CMA1: variants seen among roughly 807,000 people sequenced by gnomAD.
The protein encoded by CMA1 is chymase.
CMA1 carries 24 observed loss-of-function variants against 18.8 expected under a neutral mutation model. The observed-to-expected ratio is 1.28, with a 90% confidence interval of 0.92 to 1.80. The LOEUF is 1.80. Among genes scored for constraint, CMA1 ranks in the 40% most tolerant of loss-of-function variants. The probability of loss-of-function intolerance (pLI) is 0.00; values close to 1 mark genes in which losing one functional copy is unlikely to be tolerated. For missense variants in CMA1, 421 were observed against 302.8 expected (o/e 1.39, Z -2.90); for synonymous variants, 152 against 117.0 (o/e 1.30, Z -1.93).
chr14:24,505,573 G>A lies in CMA1; in HGVS notation c.687C>T (p.Val229=). 1 of 1,614,092 alleles carries A rather than the reference G, an allele frequency of 6.2e-7. No individual in the cohort carries two copies. Among genetic ancestry groups the A allele is most frequent in the Non-Finnish European group, 8.5e-7 (1 of 1,180,032 alleles). Residue 229 remains valine, a synonymous_variant, in exon 5 of 5, where the codon GTC becomes GTT. Transcript: ENST00000250378. ...GCCGGTAATGGGAGATTCGGGTGAA[G>A]ACAGCAGGGGGCTTTGCATCCGACC... ...YGRSDAKPPA[V]FTRISHYRPW... is the part of the protein sequence containing the mutation.
rs772971798 is a variant in CMA1, at chr14:24,505,368, G to A, written c.*148C>T. ...GACTAGAAGCTGTGTCTTCACTGAG[G>A]TTTATTGAGAGTTCTGTGACCTGTA... On this transcript the variant is annotated 3_prime_UTR_variant, in exon 5 of 5. Coordinates refer to ENST00000250378, the MANE Select transcript of CMA1 (RefSeq NM_001836.5). 2.0e-6 allele frequency: 2 copies of A among 976,412 alleles called. No homozygotes were observed. The highest frequency in any genetic ancestry group is 4.0e-5 in the Admixed American group (2 of 50,450). 60.5% of individuals were successfully genotyped at this position (976,412 alleles called of 1,614,324 possible).
Position 24,506,159 on chromosome 14 carries a change from GC to G in CMA1, c.468del (p.Lys156AsnfsTer10). 1.9e-6 allele frequency: 3 copies of G among 1,614,202 alleles called. No individual in the cohort carries two copies. The highest frequency in any genetic ancestry group is 2.5e-6 in the Non-Finnish European group (3 of 1,180,048). On this transcript the variant is annotated frameshift_variant, in exon 4 of 5. Transcript: ENST00000250378. LOFTEE classifies it high-confidence loss of function. ...VAGWGRTGVL[K>X]PGSDTLQEVK... The stretch of plus-strand genomic sequence containing the variant: ...ACCTCTTGCAGAGTGTCTGAGCCCG[GC>G]TTCAACACACCTGTTCTTCCCCAGC...
At chr14:24,507,306 C>T (rs761778872) in intron 2 of CMA1, 50 bp downstream of exon 2, 2 of 1,610,558 alleles carry the variant, frequency 1.2e-6, no homozygotes, top group Non-Finnish European at 1.7e-6. Context: ...CTGGATGCTA[C>T]TCTGGTTGTT....
At position 24,505,528 on chromosome 14, in the gene CMA1, C is replaced by A; in HGVS notation, c.732G>T (p.Leu244=). ...TCAGGATCCAGGATTAATTTGCCTG[C>A]AGGATCTGGTTGATCCAGGGCCGGT... ...SHYRPWINQI[L]QAN is the part of the protein sequence containing the mutation. The change falls in exon 5 of 5, where the codon CTG becomes CTT. Residue 244 remains leucine, a synonymous_variant. Transcript: ENST00000250378. 3.7e-6 allele frequency: 6 copies of A among 1,614,082 alleles called. No homozygotes were observed. In the South Asian group the frequency reaches 6.6e-5, roughly 18 times the overall value.
At chr14:24,507,798 G>T (rs967018010) in intron 1 of CMA1, among the ~76,000 whole-genome samples, 4 of 152,200 alleles carry the variant, frequency 2.6e-5, no homozygotes, top group African/African-American at 9.7e-5. Flanking sequence ...CACTGTCCAG[G>T]TTCCTGTTTT....
rs1160475773 is a variant in CMA1 at position 24,507,510 on chromosome 14, G to T, written c.59-4C>A. 4 of 1,612,136 alleles carry T rather than the reference G, an allele frequency of 2.5e-6. No individual in the cohort carries two copies. Among genetic ancestry groups the T allele is most frequent in the Non-Finnish European group, 3.4e-6 (4 of 1,179,036 alleles). ...TCTGTGCCCCCGATGATCTCCCCTG[G>T]AACAGAGCACCCCAGGGTTTGAACA... is the stretch of plus-strand genomic sequence containing the variant. On this transcript the variant is annotated splice_polypyrimidine_tract_variant and splice_region_variant and intron_variant, in intron 1 of 4. Coordinates refer to ENST00000250378, the MANE Select transcript of CMA1 (RefSeq NM_001836.5).
chr14:24,505,734 C>A, intron 4 of CMA1, 75 bp from the exon 5 acceptor site: 1 of 1,520,710 alleles, frequency 6.6e-7, no homozygotes, highest in South Asian at 1.3e-5. Context: ...AGCTTGGAGT[C>A]ACAGTGAGAC....
In CMA1 at chr14:24,505,378, A is replaced by G; in HGVS notation, c.*138T>C. On this transcript the variant is annotated 3_prime_UTR_variant, in exon 5 of 5. Transcript: ENST00000250378. Reference sequence around the variant, plus strand: ...TGTGTCTTCACTGAGGTTTATTGAGAGTTCTGTGACCTGTAGGATACTTCT... The same window carrying G: ...TGTGTCTTCACTGAGGTTTATTGAGGGTTCTGTGACCTGTAGGATACTTCT... 1.9e-6 allele frequency: 2 copies of G among 1,073,182 alleles called. No homozygotes were observed. Among genetic ancestry groups the G allele is most frequent in the Non-Finnish European group, 2.8e-6 (2 of 716,448 alleles). The allele number at this position is 1,073,182 out of a possible 1,614,324, so 66.5% of individuals were successfully genotyped here. A position where few individuals can be genotyped will look rare whatever the true frequency, so the allele number is the denominator to read the frequency against.
Position 24,507,453 on chromosome 14 carries a change from A to C in CMA1, c.112T>G (p.Tyr38Asp). The change falls in exon 2 of 5, where the codon TAC becomes GAC. Residue 38 changes from tyrosine to aspartate, a missense_variant. Coordinates refer to ENST00000250378, the MANE Select transcript of CMA1 (RefSeq NM_001836.5). Reference protein sequence around the residue: ...CKPHSRPYMAYLEIVTSNGPS... With the variant: ...CKPHSRPYMADLEIVTSNGPS... ...CCGTTGGAAGTTACAATTTCCAGGTAGGCCATGTAGGGGCGGGAATGTGGC... is the reference window on the plus strand; with the variant it reads ...CCGTTGGAAGTTACAATTTCCAGGTCGGCCATGTAGGGGCGGGAATGTGGC... The C allele has an allele frequency of 3.1e-6, 5 of 1,614,218 alleles. No homozygotes were observed. The highest frequency in any genetic ancestry group is 4.2e-6 in the Non-Finnish European group (5 of 1,180,028).
At chr14:24,508,009 T>TG (rs1267125090) in intron 1 of CMA1, 169 bp downstream of exon 1, 38 of 429,068 alleles carry the variant, frequency 8.9e-5, no homozygotes, top group Non-Finnish European at 1.4e-4. Context: ...AGAATGGCAG[T>TG]GGGTGGGGGT....
intron 2 of CMA1, 130 bp from the exon 3 acceptor site, chr14:24,506,734 T>C (rs2043860928): frequency 3.6e-6 from 4 of 1,106,694 alleles, no homozygotes; most frequent in African/African-American, 1.6e-5. Flanking sequence ...ATCTCCCTTT[T>C]CATGGGCCAC....
At chr14:24,508,014 G>A in intron 1 of CMA1, 164 bp downstream of exon 1, 7 of 633,640 alleles carry the variant, frequency 1.1e-5, no homozygotes. Flanking sequence ...GGCAGTGGGT[G>A]GGGGTGGGGG....
rs2043846356 is a variant in CMA1 at position 24,505,635 on chromosome 14, A to G, written c.625T>C (p.Cys209Arg). ...FKGDSGGPLL[C>R]AGVAQGIVSY... ...ACGATGCCCTGGGCCACCCCAGCACACAGAAGAGGGCCCCCAGAGTCTCCC... is the reference window on the plus strand; with the variant it reads ...ACGATGCCCTGGGCCACCCCAGCACGCAGAAGAGGGCCCCCAGAGTCTCCC... The change falls in exon 5 of 5, where the codon TGT becomes CGT. Residue 209 changes from cysteine to arginine, a missense_variant. Coordinates refer to ENST00000250378, the MANE Select transcript of CMA1 (RefSeq NM_001836.5). 2 of 1,612,646 alleles carry G rather than the reference A, an allele frequency of 1.2e-6. No homozygotes were observed. The highest frequency in any genetic ancestry group is 8.5e-7 in the Non-Finnish European group (1 of 1,179,574).
At chr14:24,507,561 A>G (rs548508703) in intron 1 of CMA1, 55 bp from the exon 2 acceptor site, 2 of 1,566,522 alleles carry the variant, frequency 1.3e-6, no homozygotes, top group Non-Finnish European at 1.7e-6. Flanking sequence ...TCTCCAATGA[A>G]TGGACAAATT....
rs747478110 is a variant in CMA1, at chr14:24,505,612, G to A, written c.648C>T (p.Ile216=). 55 of 1,613,724 alleles carry A rather than the reference G, an allele frequency of 3.4e-5. No individual in the cohort carries two copies. Among genetic ancestry groups the A allele is most frequent in the Non-Finnish European group, 4.5e-5 (53 of 1,179,982 alleles). The part of the protein sequence containing the change: ...PLLCAGVAQG[I]VSYGRSDAKP... ...TTGCATCCGACCGTCCATAGGATAC[G>A]ATGCCCTGGGCCACCCCAGCACACA... Residue 216 remains isoleucine, a synonymous_variant, in exon 5 of 5, where the codon ATC becomes ATT. Coordinates refer to ENST00000250378, the MANE Select transcript of CMA1 (RefSeq NM_001836.5).
intron 2 of CMA1, 145 bp from the exon 3 acceptor site, chr14:24,506,749 G>T: frequency 1.1e-6 from 1 of 913,574 alleles, no homozygotes; most frequent in Non-Finnish European, 1.7e-6. Context: ...GGCCACTTGT[G>T]GCATTTGAGG....
Position 24,508,049 on chromosome 14 carries a change from A to G in CMA1, c.58+129T>C, listed in dbSNP as rs569964745. ...GTGGGGTGGCACACATCCCAAGTGG[A>G]AATTTCCCTCTGGGACTCTTGAAGA... is the stretch of plus-strand genomic sequence containing the variant. On this transcript the variant is annotated intron_variant, in intron 1 of 4. Coordinates refer to ENST00000250378, the MANE Select transcript of CMA1 (RefSeq NM_001836.5). 8.0e-4 allele frequency: 711 copies of G among 892,470 alleles called. 2 individuals are homozygous for G. The highest frequency in any genetic ancestry group is 2.2e-4 in the Middle Eastern group (1 of 4,544). The allele number at this position is 892,470 out of a possible 1,614,324, so 55.3% of individuals were successfully genotyped here.
Position 24,505,481 on chromosome 14 carries a change from C to G in CMA1, c.*35G>C. The G allele has an allele frequency of 6.2e-7, 1 of 1,613,768 alleles. No homozygotes were observed. The highest frequency in any genetic ancestry group is 8.5e-7 in the Non-Finnish European group (1 of 1,179,958). On this transcript the variant is annotated 3_prime_UTR_variant, in exon 5 of 5. Coordinates refer to ENST00000250378, the MANE Select transcript of CMA1 (RefSeq NM_001836.5). ...CACACTTTGCTGCTCAGGTCCAGTT[C>G]CAGCTTCCCTTTCAGGCTGGCTCAG...
chr14:24,505,798 C>T (rs2043848571), intron 4 of CMA1, 139 bp from the exon 5 acceptor site: 1 of 1,179,270 alleles, frequency 8.5e-7, no homozygotes, highest in South Asian at 1.5e-5. Flanking sequence ...AGTTCTGATG[C>T]CCCTTCTTCC....
Sources: gnomAD v4.1 joint callset for allele counts (sites outside exome capture counted in the v4.1 genomes callset) on GRCh38, gnomAD v4.1.1 for gene constraint, MANE v1.5 for transcripts, NCBI Gene and HGNC (gene_info 2026-07-23, HGNC 2026-07-21) for gene names.